Variants in ATP10A observed in about 807,000 individuals in gnomAD.
ATP10A encodes the protein ATPase phospholipid transporting 10A (putative), also known as phospholipid-transporting ATPase VA.
Under a neutral mutation model 147.8 loss-of-function variants are expected in ATP10A, and 111 were observed. The observed-to-expected ratio is 0.75, with a 90% CI of 0.64 to 0.88. ATP10A has a LOEUF of 0.88. ATP10A is among the 40% of genes least tolerant of loss of function. ATP10A has a pLI of 0.00. For missense variants in ATP10A, 1,927 were observed against 1,959.0 expected, an observed-to-expected ratio of 0.98 and a Z score of 0.31; for synonymous variants, 875 against 841.6, an observed-to-expected ratio of 1.04 and a Z score of -0.69.
chr15:25,679,507 G>C lies in ATP10A; in HGVS notation c.4334C>G (p.Ser1445Trp). ...GACACTCCCCAGCCTGCTGACCAGCGACCAGGAGGAAATCCAGTTGAGTAA... is the reference window on the plus strand; with the variant it reads ...GACACTCCCCAGCCTGCTGACCAGCCACCAGGAGGAAATCCAGTTGAGTAA... ...FSLLNWISSW[S>W]LVSRLGSVLQ... The change falls in exon 21 of 21, where the codon TCG becomes TGG. Residue 1445 changes from serine (S) to tryptophan (W), a missense_variant. By Grantham distance (177) the Ser-to-Trp change is radical. Transcript: ENST00000555815. 6.2e-7 allele frequency: 1 copy of C among 1,613,738 alleles called. No homozygotes were observed. The highest frequency in any genetic ancestry group is 8.5e-7 in the Non-Finnish European group (1 of 1,179,748).
chr15:25,830,347 T>C (rs1341304032), intron 1 of ATP10A, among the ~76,000 whole-genome samples: 1 of 152,166 alleles, frequency 6.6e-6, no homozygotes, highest in Non-Finnish European at 1.5e-5. Flanking sequence ...AGTGTCCCTC[T>C]ATTGTGCCCT....
chr15:25,683,697 A>G, intron 16 of ATP10A: 2 of 575,334 alleles, frequency 3.5e-6, no homozygotes, highest in South Asian at 4.4e-5. Flanking sequence ...TCACTCCCTT[A>G]AGAAAGAAGA....
chr15:25,777,126 C>T (rs1453444779), intron 2 of ATP10A, among the ~76,000 whole-genome samples: 3 of 109,938 alleles, frequency 2.7e-5, no homozygotes, highest in Non-Finnish European at 6.1e-5. Flanking sequence ...TGTACCCGTT[C>T]CGCACTGCCC....
intron 2 of ATP10A, among the ~76,000 whole-genome samples, chr15:25,751,831 T>C (rs1300472344): frequency 6.6e-6 from 1 of 151,726 alleles, no homozygotes; most frequent in East Asian, 1.9e-4. Context: ...AAACAAAAAA[T>C]CAAATTAAAG....
intron 1 of ATP10A, among the ~76,000 whole-genome samples, chr15:25,861,528 T>C (rs1290131266): frequency 1.3e-5 from 2 of 152,186 alleles, no homozygotes; most frequent in East Asian, 1.9e-4. Context: ...ATCCAAGCTA[T>C]GAGTGCCTGT....
intron 2 of ATP10A, among the ~76,000 whole-genome samples, chr15:25,764,171 G>A (rs946039516): frequency 1.1e-4 from 16 of 152,212 alleles, no homozygotes; most frequent in African/African-American, 2.9e-4. Context: ...TCAAGGCACC[G>A]AGTGAGGCTG....
intron 2 of ATP10A, among the ~76,000 whole-genome samples, chr15:25,746,659 A>T (rs932595592): frequency 7.9e-5 from 12 of 152,244 alleles, no homozygotes; most frequent in African/African-American, 2.9e-4. Flanking sequence ...ATTCACCATA[A>T]AAAGAAAATT....
intron 1 of ATP10A, among the ~76,000 whole-genome samples, chr15:25,853,512 G>A (rs1893377434): frequency 6.6e-6 from 1 of 152,222 alleles, no homozygotes; most frequent in African/African-American, 2.4e-5. Context: ...TTCCTGGGCA[G>A]GTGGGGCCAT....
intron 2 of ATP10A, 151 bp downstream of exon 2, chr15:25,780,868 G>A: frequency 2.6e-6 from 2 of 766,110 alleles, no homozygotes; most frequent in South Asian, 3.6e-5. Context: ...GGTAGGTCAG[G>A]GGTCCTCTCA....
intron 1 of ATP10A, among the ~76,000 whole-genome samples, chr15:25,856,184 G>A (rs1048011666): frequency 3.9e-5 from 6 of 152,252 alleles, no homozygotes; most frequent in South Asian, 4.1e-4. Context: ...TAATCCCCAC[G>A]TGTCAAGGGC....
At chr15:25,818,689 A>G (rs945765435) in intron 1 of ATP10A, among the ~76,000 whole-genome samples, 1 of 152,212 alleles carries the variant, frequency 6.6e-6, no homozygotes, top group Non-Finnish European at 1.5e-5. Flanking sequence ...GCATCACATT[A>G]TCTGACTTCA....
chr15:25,831,405 A>T (rs1244356803), intron 1 of ATP10A, among the ~76,000 whole-genome samples: 1 of 152,232 alleles, frequency 6.6e-6, no homozygotes, highest in East Asian at 1.9e-4. Context: ...CGAGCAGGGA[A>T]TTCCTAATAG....
chr15:25,841,917 G>T (rs1209799633), intron 1 of ATP10A, among the ~76,000 whole-genome samples: 1 of 152,196 alleles, frequency 6.6e-6, no homozygotes, highest in Non-Finnish European at 1.5e-5. Context: ...TCCTGTCATT[G>T]TAATGAGCTC....
intron 12 of ATP10A, among the ~76,000 whole-genome samples, 181 bp from the exon 13 acceptor site, chr15:25,702,281 T>C (rs144053338): frequency 1.3e-3 from 193 of 152,344 alleles, no homozygotes; most frequent in African/African-American, 4.5e-3. Flanking sequence ...AAGTCCCCTG[T>C]GGAACCATTT....
chr15:25,721,962 G>C (rs1042694890), intron 6 of ATP10A, 53 bp from the exon 7 acceptor site: 1 of 1,550,102 alleles, frequency 6.5e-7, no homozygotes, highest in Non-Finnish European at 8.8e-7. Context: ...AGGGAGCTGG[G>C]GAATTACTCA....
intron 2 of ATP10A, among the ~76,000 whole-genome samples, chr15:25,755,273 T>C (rs1156901249): frequency 6.6e-6 from 1 of 152,172 alleles, no homozygotes; most frequent in Non-Finnish European, 1.5e-5. Flanking sequence ...TTGTAACATA[T>C]GACCTCTGGA....
intron 13 of ATP10A, among the ~76,000 whole-genome samples, chr15:25,699,935 T>C (rs891718829): frequency 6.6e-6 from 1 of 151,800 alleles, no homozygotes; most frequent in African/African-American, 2.4e-5. Flanking sequence ...AAAGCTTTTG[T>C]GAAAGACAAT....
At chr15:25,693,957 T>C (rs1476966745) in intron 14 of ATP10A, among the ~76,000 whole-genome samples, 1 of 152,238 alleles carries the variant, frequency 6.6e-6, no homozygotes, top group Non-Finnish European at 1.5e-5. Flanking sequence ...GGCTGATTGA[T>C]TGGCGAGGGT....
intron 1 of ATP10A, among the ~76,000 whole-genome samples, chr15:25,846,663 C>T (rs1043331641): frequency 6.6e-6 from 1 of 152,306 alleles, no homozygotes; most frequent in Middle Eastern, 3.4e-3. Context: ...ATGTGCCGGA[C>T]ACGTGCCTGA....
Sources: allele counts gnomAD v4.1 joint callset (sites outside exome capture counted in the v4.1 genomes callset), GRCh38; gene constraint gnomAD v4.1.1; transcripts MANE v1.5; gene names NCBI Gene and HGNC (gene_info 2026-07-23, HGNC 2026-07-21).